Variants in PHKA2 observed in about 807,000 individuals in gnomAD.
PHKA2 encodes phosphorylase kinase regulatory subunit alpha 2.
PHKA2 carries 31 observed loss-of-function variants against 102.0 expected under a neutral mutation model. The ratio of observed to expected loss-of-function variants is 0.30; its 90% CI spans 0.23 to 0.41. The LOEUF (loss-of-function observed/expected upper bound fraction) is 0.41, where lower values mean the gene tolerates loss of function less well. Ranked by LOEUF, PHKA2 falls within the 10% of genes least tolerant of loss-of-function variation. PHKA2 has a pLI of 1.00. For synonymous variants in PHKA2, 455 were observed against 416.2 expected (o/e 1.09, Z -1.13); for missense variants, 858 against 1,023.1 (o/e 0.84, Z 2.20).
chrX:18,949,744 G>A (rs1478827385), intron 4 of PHKA2, among the ~76,000 whole-genome samples: 2 of 112,401 alleles, frequency 1.8e-5, no homozygotes. Flanking sequence ...ACTTGGAGAA[G>A]ATGCAGCCAA....
chrX:18,931,628 A>C lies in PHKA2; in HGVS notation c.1245+13T>G. On this transcript the variant is annotated intron_variant, in intron 12 of 32. Transcript: ENST00000379942. The stretch of plus-strand genomic sequence containing the variant: ...CACATGGTTTCCAGTCTGTGAGGCC[A>C]CTAAGCCCCTACCTCTGCCAACAGC... The C allele has an allele frequency of 8.8e-7, 1 of 1,139,272 alleles. No homozygotes were observed. The highest frequency in any genetic ancestry group is 1.2e-6 in the Non-Finnish European group (1 of 829,483). 93.9% of individuals were successfully genotyped at this position (1,139,272 alleles called of 1,213,427 possible).
chrX:18,980,590 A>G (rs1250544862), intron 1 of PHKA2, among the ~76,000 whole-genome samples: 1 of 111,986 alleles, frequency 8.9e-6, no homozygotes, highest in Non-Finnish European at 1.9e-5. Flanking sequence ...CTTTGCTCAC[A>G]TGTTTTCTTG....
chrX:18,938,759 A>ATCTTT lies in PHKA2; in HGVS notation c.919-11_919-10insAAAGA. 8.3e-7 allele frequency: 1 copy of ATCTTT among 1,198,543 alleles called. No homozygotes were observed. Among genetic ancestry groups the ATCTTT allele is most frequent in the Non-Finnish European group, 1.1e-6 (1 of 883,163 alleles). On this transcript the variant is annotated splice_polypyrimidine_tract_variant and intron_variant, in intron 9 of 32. Transcript: ENST00000379942. ...GCAGTCGATTAGGGTCCTAGAATCA[A>ATCTTT]ATAAGTCAAACTTTTAAAAGGTGAT...
chrX:18,983,859 T>A lies in PHKA2; in HGVS notation c.74A>T (p.Tyr25Phe). The change falls in exon 1 of 33, where the codon TAC becomes TTC. Residue 25 changes from tyrosine (Y) to phenylalanine (F), a missense_variant. By Grantham distance (22) the Tyr-to-Phe change is conservative. Around this residue, in one of 2 missense-constraint regions of PHKA2, gnomAD observed 187 missense variants for 277.9 expected, o/e 0.67. Transcript: ENST00000379942. ...CTGGGGGCGGTCCCTCCTTACCTGG[T>A]AACACAGGATGGTTTGCTGCACCAG... ...ARLVQQTILC[Y>F]QNPVTGLLSA... The A allele has an allele frequency of 8.3e-7, 1 of 1,209,271 alleles. No individual in the cohort carries two copies.
chrX:18,893,754 G>A (rs1791143185), intron 32 of PHKA2, 99 bp from the exon 33 acceptor site: 3 of 812,573 alleles, frequency 3.7e-6, no homozygotes, highest in Non-Finnish European at 5.5e-6. Context: ...GCAGGGGTGA[G>A]GGTTGCTCTA....
chrX:18,945,112 G>A lies in PHKA2; in HGVS notation c.584C>T (p.Pro195Leu). ...ERGDKTNQGIPELNASSVGMA... is the reference protein window; with the variant it reads ...ERGDKTNQGILELNASSVGMA... ...TCCTACGGAGCTTGCATTCAATTCCGGGATGCCCTGATTAGTCTTATCTCC... is the reference window on the plus strand; with the variant it reads ...TCCTACGGAGCTTGCATTCAATTCCAGGATGCCCTGATTAGTCTTATCTCC... The change falls in exon 6 of 33, where the codon CCG becomes CTG. Residue 195 changes from proline (P) to leucine (L), a missense_variant. Physicochemically the swap from Pro to Leu is moderately conservative, Grantham distance 98 (BLOSUM62 -3). Around this residue, in one of 2 missense-constraint regions of PHKA2, gnomAD observed 187 missense variants for 277.9 expected, o/e 0.67. Coordinates refer to ENST00000379942, the MANE Select transcript of PHKA2 (RefSeq NM_000292.3). 1 of 1,203,681 alleles carries A rather than the reference G, an allele frequency of 8.3e-7. No individual in the cohort carries two copies. Among genetic ancestry groups the A allele is most frequent in the Non-Finnish European group, 1.1e-6 (1 of 888,128 alleles).
Position 18,954,262 on chromosome X carries a change from G to T in PHKA2, c.229C>A (p.Leu77Met), listed in dbSNP as rs1601780780. ...CTGTCAGTCACTATTACCTGCTCCA[G>T]CTCGTAGGCCTTGGCCTTGTCCTCA... ...RDEDKAKAYE[L>M]EQNVVKLMRG... is the part of the protein sequence containing the mutation. The change falls in exon 2 of 33, where the codon CTG (leucine) becomes ATG (methionine). Residue 77 changes from leucine (L) to methionine (M), a missense_variant. By Grantham distance (15) the Leu-to-Met change is conservative (BLOSUM62 2). Transcript: ENST00000379942. The T allele has an allele frequency of 8.3e-7, 1 of 1,211,739 alleles. No homozygotes were observed. The highest frequency in any genetic ancestry group is 1.1e-6 in the Non-Finnish European group (1 of 895,235).
chrX:18,906,888 C>T (rs2047826491), intron 23 of PHKA2, 74 bp from the exon 24 acceptor site: 2 of 1,036,450 alleles, frequency 1.9e-6, no homozygotes, highest in Non-Finnish European at 2.7e-6. Context: ...CATGGAACAC[C>T]CTTATTTTCT....
chrX:18,953,528 G>A (rs1255441576), intron 2 of PHKA2, among the ~76,000 whole-genome samples: 2 of 112,480 alleles, frequency 1.8e-5, no homozygotes, highest in African/African-American at 6.5e-5. Context: ...CTTCCAGTGT[G>A]ACTACTCTGA....
chrX:18,943,462 T>C (rs1356502884), intron 7 of PHKA2, among the ~76,000 whole-genome samples: 1 of 112,477 alleles, frequency 8.9e-6, no homozygotes, highest in Admixed American at 9.4e-5. Flanking sequence ...GCTGATTCCA[T>C]CTATACAGCA....
chrX:18,918,396 G>A (rs1435645037), intron 19 of PHKA2, among the ~76,000 whole-genome samples: 3 of 112,257 alleles, frequency 2.7e-5, no homozygotes, highest in Non-Finnish European at 5.6e-5. Flanking sequence ...CAGAGGAGTG[G>A]TGATTTAAGA....
In PHKA2 at chrX:18,910,949, T is replaced by A; in HGVS notation, c.2149A>T (p.Thr717Ser). Residue 717 changes from threonine to serine, a missense_variant, in exon 20 of 33, where the codon ACT becomes TCT. Thr to Ser is a moderately conservative substitution (Grantham distance 58). Around this residue, in one of 2 missense-constraint regions of PHKA2, gnomAD observed 671 missense variants for 745.2 expected, o/e 0.90. Coordinates refer to ENST00000379942, the MANE Select transcript of PHKA2 (RefSeq NM_000292.3). ...KGLEVPFVPMTLPTKVLSAHR... is the reference protein window; with the variant it reads ...KGLEVPFVPMSLPTKVLSAHR... ...GCACTTAGAACTTTAGTCGGCAAAGTCATGGGAACAACTGGAAAACAAAAG... is the reference window on the plus strand; with the variant it reads ...GCACTTAGAACTTTAGTCGGCAAAGACATGGGAACAACTGGAAAACAAAAG... 8.5e-7 allele frequency: 1 copy of A among 1,172,612 alleles called. No individual in the cohort carries two copies. The highest frequency in any genetic ancestry group is 1.2e-6 in the Non-Finnish European group (1 of 863,763).
chrX:18,980,470 C>G (rs1347269396), intron 1 of PHKA2, among the ~76,000 whole-genome samples: 1 of 112,960 alleles, frequency 8.9e-6, no homozygotes, highest in African/African-American at 3.2e-5. Flanking sequence ...CAATGCTGCT[C>G]TGTTACTCTT....
At chrX:18,923,916 A>G in intron 17 of PHKA2, 140 bp downstream of exon 17, 1 of 534,408 alleles carries the variant, frequency 1.9e-6, no homozygotes, top group Admixed American at 2.6e-5. Flanking sequence ...ACTGGATTAG[A>G]GAAGTGTTAC....
chrX:18,948,024 A>G (rs1029993029), intron 5 of PHKA2, among the ~76,000 whole-genome samples: 1 of 111,572 alleles, frequency 9.0e-6, no homozygotes, highest in African/African-American at 3.3e-5. Flanking sequence ...GCGGGAGAGG[A>G]ATAAAAGACT....
intron 13 of PHKA2, among the ~76,000 whole-genome samples, chrX:18,927,189 G>A (rs1276134299): frequency 1.8e-5 from 2 of 111,979 alleles, no homozygotes; most frequent in Non-Finnish European, 3.8e-5. Context: ...AAGCACCCCA[G>A]GGCTGGCCTG....
In PHKA2 at chrX:18,897,338, AAGAC is replaced by A. The variant is rs1170362064; in HGVS notation, c.3112-9_3112-6del. ...CGAGGATGGGGTGCTGGACCTCTGCAAGACAGACAGCTTGGGGCCTCAGAAGCCA... is the reference window on the plus strand; with the variant it reads ...CGAGGATGGGGTGCTGGACCTCTGCAAGACAGCTTGGGGCCTCAGAAGCCA... On this transcript the variant is annotated splice_polypyrimidine_tract_variant and splice_region_variant and intron_variant, in intron 29 of 32. Transcript: ENST00000379942. The A allele has an allele frequency of 5.8e-6, 7 of 1,200,172 alleles. No homozygotes were observed. Among genetic ancestry groups the A allele is most frequent in the East Asian group, 3.0e-5 (1 of 33,562 alleles).
chrX:18,947,436 C>A (rs1234618098), intron 5 of PHKA2, among the ~76,000 whole-genome samples: 3 of 112,258 alleles, frequency 2.7e-5, no homozygotes, highest in Non-Finnish European at 5.6e-5. Flanking sequence ...CTCAGCAAAT[C>A]TGGCCCAGGC....
At position 18,951,204 on chromosome X, in the gene PHKA2, G is replaced by T; in HGVS notation, c.354C>A (p.Thr118=). ...TKDSLHAKYN[T]ATCGTVVGDD... ...CGCCCACCACCGTGCCACAGGTGGCGGTGTTGTACTTGGCGTGCAGGCTGT... is the reference window on the plus strand; with the variant it reads ...CGCCCACCACCGTGCCACAGGTGGCTGTGTTGTACTTGGCGTGCAGGCTGT... Residue 118 remains threonine, a synonymous_variant, in exon 4 of 33, where the codon ACC becomes ACA. Coordinates refer to ENST00000379942, the MANE Select transcript of PHKA2 (RefSeq NM_000292.3). The T allele has an allele frequency of 8.3e-7, 1 of 1,211,245 alleles. No individual in the cohort carries two copies. The highest frequency in any genetic ancestry group is 1.1e-6 in the Non-Finnish European group (1 of 894,847).
Sources: gnomAD v4.1 joint callset for allele counts (sites outside exome capture counted in the v4.1 genomes callset) on GRCh38, gnomAD v4.1.1 for gene constraint, gnomAD v4.1.1 regional missense constraint, MANE v1.5 for transcripts, NCBI Gene and HGNC (gene_info 2026-07-23, HGNC 2026-07-21) for gene names.